VIRMA: variants seen among roughly 807,000 people sequenced by gnomAD.
The protein encoded by VIRMA is vir like m6A methyltransferase associated.
In VIRMA, 65 loss-of-function variants were observed where a neutral mutation model predicts 182.4. The observed-to-expected ratio is 0.36, with a 90% CI of 0.29 to 0.44. The LOEUF is 0.44. VIRMA is among the 20% of genes least tolerant of loss of function. The pLI, the probability that VIRMA is intolerant of heterozygous loss-of-function variation, is 1.00. For synonymous variants in VIRMA, 709 were observed against 743.1 expected (o/e 0.95, Z 0.75); for missense variants, 1,752 against 2,158.1 (o/e 0.81, Z 3.73).
At chr8:94,548,237 AT>A (rs1231654255) in intron 1 of VIRMA, among the ~76,000 whole-genome samples, 4 of 151,006 alleles carry the variant, frequency 2.6e-5, no homozygotes, top group East Asian at 3.8e-4. Context: ...ATTTAAAAAA[AT>A]AAGCTTACTT....
At position 94,519,206 on chromosome 8, in the gene VIRMA, T is replaced by C; in HGVS notation, c.2292A>G (p.Ser764=). ...CTGTAATACATTGCAATGTCTGTGT[T>C]GAGTCCTGTAGCCACAAGGCAAATG... ...DDAFALWLQD[S]TQTLQCITEL... The change falls in exon 9 of 24, where the codon TCA becomes TCG. Residue 764 remains serine (S), a synonymous_variant. Transcript: ENST00000297591. 6.2e-7 allele frequency: 1 copy of C among 1,614,162 alleles called. No homozygotes were observed. Among genetic ancestry groups the C allele is most frequent in the Non-Finnish European group, 8.5e-7 (1 of 1,179,994 alleles).
intron 2 of VIRMA, among the ~76,000 whole-genome samples, chr8:94,542,303 C>T (rs924671818): frequency 6.6e-6 from 1 of 152,186 alleles, no homozygotes; most frequent in Non-Finnish European, 1.5e-5. Flanking sequence ...CTGGAAGAAG[C>T]CATGTCATGA....
intron 1 of VIRMA, among the ~76,000 whole-genome samples, chr8:94,552,443 T>C (rs1453720694): frequency 6.6e-6 from 1 of 152,166 alleles, no homozygotes; most frequent in Non-Finnish European, 1.5e-5. Context: ...AGAGAAATTA[T>C]ATCTGTCCTC....
chr8:94,541,315 T>C (rs1182272761), intron 2 of VIRMA, among the ~76,000 whole-genome samples: 1 of 151,686 alleles, frequency 6.6e-6, no homozygotes, highest in African/African-American at 2.4e-5. Context: ...AGAGATGAGG[T>C]CTCCAAACTC....
At chr8:94,548,875 T>C (rs868010159) in intron 1 of VIRMA, among the ~76,000 whole-genome samples, 4 of 152,196 alleles carry the variant, frequency 2.6e-5, no homozygotes, top group Middle Eastern at 3.4e-3. Context: ...GCCAGGATGG[T>C]CTCAATCTCC....
chr8:94,494,828 C>A, intron 20 of VIRMA, 32 bp downstream of exon 20: 1 of 1,207,506 alleles, frequency 8.3e-7, no homozygotes, highest in Non-Finnish European at 1.2e-6. Flanking sequence ...AAAACAATAA[C>A]GTTTTTCTAA....
chr8:94,550,797 CA>C (rs1815956967), intron 1 of VIRMA, among the ~76,000 whole-genome samples: 1 of 151,950 alleles, frequency 6.6e-6, no homozygotes, highest in South Asian at 2.1e-4. Flanking sequence ...TGGCTCACAG[CA>C]ACCTCCTCCT....
intron 7 of VIRMA, among the ~76,000 whole-genome samples, chr8:94,528,747 T>C (rs1372112257): frequency 2.6e-5 from 4 of 152,202 alleles, no homozygotes; most frequent in African/African-American, 7.2e-5. Flanking sequence ...CTAACCAACA[T>C]GTATTTGTTA....
At chr8:94,496,695 T>A (rs1469372158) in intron 17 of VIRMA, 5 of 414,908 alleles carry the variant, frequency 1.2e-5, no homozygotes, top group Non-Finnish European at 2.1e-5. Context: ...AGCAAACATA[T>A]ATTTTACTGG....
At chr8:94,515,839 T>C (rs1195158313) in intron 10 of VIRMA, among the ~76,000 whole-genome samples, 1 of 151,978 alleles carries the variant, frequency 6.6e-6, no homozygotes, top group Non-Finnish European at 1.5e-5. Context: ...GACTCACGCC[T>C]GTAATACCAG....
intron 22 of VIRMA, 149 bp from the exon 23 acceptor site, chr8:94,490,231 G>C: frequency 1.2e-6 from 1 of 815,516 alleles, no homozygotes; most frequent in Non-Finnish European, 1.8e-6. Context: ...ACATCACAGT[G>C]GTTAAGAGCA....
intron 4 of VIRMA, among the ~76,000 whole-genome samples, chr8:94,535,961 AT>A (rs995622825): frequency 7.2e-5 from 11 of 152,290 alleles, no homozygotes; most frequent in African/African-American, 2.4e-4. Flanking sequence ...CATCTTCACA[AT>A]TATGAGAGCA....
At chr8:94,536,833 G>C (rs189093341) in intron 4 of VIRMA, among the ~76,000 whole-genome samples, 2 of 152,232 alleles carry the variant, frequency 1.3e-5, no homozygotes, top group Non-Finnish European at 2.9e-5. Context: ...CAAAAAATTA[G>C]CCGGGCATGG....
At chr8:94,539,375 A>G (rs1815462134) in intron 2 of VIRMA, among the ~76,000 whole-genome samples, 1 of 152,218 alleles carries the variant, frequency 6.6e-6, no homozygotes, top group Non-Finnish European at 1.5e-5. Context: ...TGGGGTTTCT[A>G]AAAATAGATT....
At chr8:94,515,486 T>C (rs147686835) in intron 10 of VIRMA, among the ~76,000 whole-genome samples, 28 of 151,942 alleles carry the variant, frequency 1.8e-4, no homozygotes, top group African/African-American at 6.8e-4. Flanking sequence ...ATCCTCCTGC[T>C]TCAACCTCCA....
chr8:94,506,743 C>A (rs573334368), intron 15 of VIRMA, 26 bp from the exon 16 acceptor site: 6 of 1,357,356 alleles, frequency 4.4e-6, no homozygotes, highest in South Asian at 1.3e-5. Flanking sequence ...AAAAAAAAAT[C>A]GATTTTTTAA....
Position 94,526,696 on chromosome 8 carries a change from T to C in VIRMA, c.1548A>G (p.Gly516=). Residue 516 remains glycine, a synonymous_variant, in exon 8 of 24, where the codon GGA becomes GGG. Transcript: ENST00000297591. ...GCCTACCTCTTAAAAAAGCTTCCAT[T>C]CCTTCTGTCATACTAATGACACTGT... ...ALDSVISMTE[G]MEAFLRGRQN... 6.2e-7 allele frequency: 1 copy of C among 1,613,852 alleles called. No individual in the cohort carries two copies. Among genetic ancestry groups the C allele is most frequent in the Non-Finnish European group, 8.5e-7 (1 of 1,179,984 alleles).
rs777348997 is a variant in VIRMA at position 94,534,885 on chromosome 8, T to C, written c.438A>G (p.Pro146=). 1.3e-6 allele frequency: 2 copies of C among 1,570,714 alleles called. No homozygotes were observed. The highest frequency in any genetic ancestry group is 1.7e-6 in the Non-Finnish European group (2 of 1,149,034). The part of the protein sequence containing the change: ...RDSPPPPPPP[P]PPPQPQPSLK... ...AACTTGGTTGTGGCTGGGGAGGTGG[T>C]GGCGGTGGAGGTGGTGGTGGTGGAG... Residue 146 remains proline, a synonymous_variant, in exon 5 of 24, where the codon CCA becomes CCG. Coordinates refer to ENST00000297591, the MANE Select transcript of VIRMA (RefSeq NM_015496.5).
At chr8:94,538,988 A>C (rs1248424926) in intron 2 of VIRMA, among the ~76,000 whole-genome samples, 1 of 151,498 alleles carries the variant, frequency 6.6e-6, no homozygotes, top group Non-Finnish European at 1.5e-5. Flanking sequence ...TGTAGCCTCG[A>C]GCTCCCAGAC....
Sources: allele counts gnomAD v4.1 joint callset (sites outside exome capture counted in the v4.1 genomes callset), GRCh38; gene constraint gnomAD v4.1.1; transcripts MANE v1.5; gene names NCBI Gene and HGNC (gene_info 2026-07-23, HGNC 2026-07-21).